NRP2: variants seen among roughly 807,000 people sequenced by gnomAD.
The protein encoded by NRP2 is neuropilin 2.
A neutral mutation model predicts 110.4 loss-of-function variants in NRP2; 52 were observed. The ratio of observed to expected loss-of-function variants is 0.47; its 90% confidence interval spans 0.38 to 0.59. The LOEUF is 0.59. NRP2 is among the 20% of genes least tolerant of loss of function. The probability of loss-of-function intolerance (pLI) is 0.00; values close to 1 mark genes in which losing one functional copy is unlikely to be tolerated. For missense variants in NRP2, 1,049 were observed against 1,203.0 expected, an observed-to-expected ratio of 0.87 and a Z score of 1.89; for synonymous variants, 508 against 468.9, an observed-to-expected ratio of 1.08 and a Z score of -1.08.
rs2056151598 is a variant in NRP2, at chr2:205,686,044, T to G, written c.73+2681T>G. On this transcript the variant is annotated intron_variant, in intron 1 of 16. Coordinates refer to ENST00000357785, the MANE Select transcript of NRP2 (RefSeq NM_003872.3). This position sits in a 1 kb window ranked among gnomAD's most constrained non-coding sequence, Gnocchi z 4.7. ...GCTCTCCTCCTAGCCCTCCCTCCCC[T>G]TCCCCGCCCCCCAGCGCCTTCTCTA... is the stretch of plus-strand genomic sequence containing the variant. 7.0e-6 allele frequency among the ~76,000 whole-genome samples: 1 copy of G among 142,232 alleles called. No homozygotes were observed. The allele number at this position is 142,232 out of a possible 152,430, so 93.3% of individuals were successfully genotyped here.
In NRP2 at chr2:205,716,214, G is replaced by C; in HGVS notation, c.273G>C (p.Arg91=). The C allele has an allele frequency of 1.2e-6, 2 of 1,614,194 alleles. No individual in the cohort carries two copies. Among genetic ancestry groups the C allele is most frequent in the Non-Finnish European group, 1.7e-6 (2 of 1,180,050 alleles). The change falls in exon 3 of 17, where the codon CGG becomes CGC. Residue 91 remains arginine (R), a synonymous_variant. Coordinates refer to ENST00000357785, the MANE Select transcript of NRP2 (RefSeq NM_003872.3). ...CCAGGTATGACTTTATCGAGATTCG[G>C]GATGGGGACAGTGAATCCGCAGACC... ...HDCKYDFIEI[R]DGDSESADLL...
intron 15 of NRP2, among the ~76,000 whole-genome samples, chr2:205,789,684 T>G (rs1188381291): frequency 6.6e-6 from 1 of 152,246 alleles, no homozygotes; most frequent in Non-Finnish European, 1.5e-5. Flanking sequence ...GCTTTACCCG[T>G]TGGTTCTCCT....
intron 15 of NRP2, among the ~76,000 whole-genome samples, chr2:205,788,470 T>C (rs2058261260): frequency 6.6e-6 from 1 of 152,160 alleles, no homozygotes; most frequent in Non-Finnish European, 1.5e-5. Flanking sequence ...GTGGAAGATT[T>C]GTGGCAAAGC....
chr2:205,699,401 C>G (rs2056505042), intron 2 of NRP2, among the ~76,000 whole-genome samples: 1 of 152,206 alleles, frequency 6.6e-6, no homozygotes, highest in African/African-American at 2.4e-5. Flanking sequence ...TGACTAAGCA[C>G]CTTTCTCTAC....
chr2:205,716,867 T>C (rs72939395), intron 3 of NRP2, among the ~76,000 whole-genome samples: 1 of 152,198 alleles, frequency 6.6e-6, no homozygotes, highest in Non-Finnish European at 1.5e-5. Flanking sequence ...AAAATAAGGT[T>C]CCTAGAAATT....
chr2:205,753,024 C>T (rs754275902), intron 12 of NRP2, 49 bp downstream of exon 12: 1 of 1,609,098 alleles, frequency 6.2e-7, no homozygotes, highest in South Asian at 1.1e-5. Flanking sequence ...CCAGCTTGTT[C>T]CACATACTTC....
chr2:205,751,940 C>A (rs956981544), intron 11 of NRP2, among the ~76,000 whole-genome samples: 1 of 152,196 alleles, frequency 6.6e-6, no homozygotes, highest in Admixed American at 6.5e-5. Context: ...ACACCACCCC[C>A]ACTTAGTCAC....
intron 11 of NRP2, among the ~76,000 whole-genome samples, chr2:205,750,328 T>C (rs2057621334): frequency 6.6e-6 from 1 of 152,216 alleles, no homozygotes; most frequent in Non-Finnish European, 1.5e-5. Context: ...TGTTTCCCTG[T>C]GTCTTTCACC....
At chr2:205,730,536 A>C (rs1366494268) in intron 7 of NRP2, among the ~76,000 whole-genome samples, 1 of 152,166 alleles carries the variant, frequency 6.6e-6, no homozygotes, top group Non-Finnish European at 1.5e-5. Context: ...GCAGAAAAGC[A>C]AAGCAGAGAT....
At position 205,739,194 on chromosome 2, in the gene NRP2, C is replaced by T. The variant is rs549958296; in HGVS notation, c.1147-1325C>T. On this transcript the variant is annotated intron_variant, in intron 7 of 16. Coordinates refer to ENST00000357785, the MANE Select transcript of NRP2 (RefSeq NM_003872.3). ...TGGAGACTTTAAGGGCCCCATGACT[C>T]CCAGCCACCAGCATAAACACTGCAA... 2.0e-5 allele frequency among the ~76,000 whole-genome samples: 3 copies of T among 152,276 alleles called. No homozygotes were observed. In the East Asian group the frequency reaches 5.8e-4, roughly 29 times the overall value.
At chr2:205,758,478 G>T (rs76562023) in intron 12 of NRP2, among the ~76,000 whole-genome samples, 1 of 152,148 alleles carries the variant, frequency 6.6e-6, no homozygotes, top group Non-Finnish European at 1.5e-5. Context: ...AGCCAGATGC[G>T]GCCGTAAATC....
In NRP2 at chr2:205,722,167, T is replaced by A. The variant is rs1374910801; in HGVS notation, c.434-311T>A. 5.5e-3 allele frequency: 1,917 copies of A among 345,698 alleles called. 28 individuals carry two copies. Among genetic ancestry groups the A allele is most frequent in the African/African-American group, 0.043 (1,782 of 41,462 alleles). The allele number at this position is 345,698 out of a possible 1,614,324, so 21.4% of individuals were successfully genotyped here. On this transcript the variant is annotated intron_variant, in intron 3 of 16. Transcript: ENST00000357785. ...ATCCCTCTCTCTCTCTCTCTCTCTC[T>A]CTCATACACACACACACACACACAC...
At chr2:205,747,264 T>C (rs926232905) in intron 10 of NRP2, among the ~76,000 whole-genome samples, 2 of 152,224 alleles carry the variant, frequency 1.3e-5, no homozygotes, top group Non-Finnish European at 2.9e-5. Flanking sequence ...GTGCTTGGAC[T>C]CTGGAGACAG....
At chr2:205,731,913 T>C (rs2057248085) in intron 7 of NRP2, among the ~76,000 whole-genome samples, 1 of 152,208 alleles carries the variant, frequency 6.6e-6, no homozygotes, top group Non-Finnish European at 1.5e-5. Context: ...CACTAGAGTA[T>C]TTCACAGAGT....
Position 205,711,873 on chromosome 2 carries a change from G to A in NRP2, c.252-4320G>A, listed in dbSNP as rs568091515. ...TGGTGAATCTTCCAGCACAGGCTCC[G>A]TTGACTAACCCAGCCTTTGGTGCCC... On this transcript the variant is annotated intron_variant, in intron 2 of 16. Coordinates refer to ENST00000357785, the MANE Select transcript of NRP2 (RefSeq NM_003872.3). Among the ~76,000 whole-genome samples the A allele has an allele frequency of 1.2e-4, 19 of 152,298 alleles. No individual in the cohort carries two copies. In the East Asian group the frequency reaches 3.1e-3, roughly 25 times the overall value.
intron 15 of NRP2, chr2:205,767,075 G>A: frequency 1.9e-6 from 1 of 517,794 alleles, no homozygotes; most frequent in Non-Finnish European, 3.4e-6. Context: ...GCCTTGCATT[G>A]TCCAACGGGG....
intron 1 of NRP2, among the ~76,000 whole-genome samples, chr2:205,693,086 A>G (rs1421624852): frequency 1.3e-5 from 2 of 152,222 alleles, no homozygotes; most frequent in Admixed American, 6.5e-5. Flanking sequence ...TAGAAGAAAG[A>G]GTTTCTTCTT....
chr2:205,724,300 C>T, intron 5 of NRP2, among the ~76,000 whole-genome samples: 1 of 152,132 alleles, frequency 6.6e-6, no homozygotes, highest in East Asian at 1.9e-4. Flanking sequence ...TTTTTTTAGT[C>T]TGTGGCCATT....
chr2:205,767,401 G>T (rs1377314188), intron 15 of NRP2: 4 of 517,080 alleles, frequency 7.7e-6, no homozygotes, highest in Middle Eastern at 3.2e-4. Flanking sequence ...AGGAGAAAGA[G>T]TTGCCACATT....
Sources: gnomAD v4.1 joint callset for allele counts (sites outside exome capture counted in the v4.1 genomes callset) on GRCh38, gnomAD v4.1.1 for gene constraint, Gnocchi (gnomAD v3.1) non-coding constraint, MANE v1.5 for transcripts, NCBI Gene and HGNC (gene_info 2026-07-23, HGNC 2026-07-21) for gene names.